The following TTC39C variants were observed in gnomAD, a reference collection of about 807,000 sequenced individuals.
TTC39C encodes tetratricopeptide repeat domain 39C, also known as tetratricopeptide repeat protein 39C.
In TTC39C, 33 loss-of-function variants were observed where a neutral mutation model predicts 76.3. The ratio of observed to expected loss-of-function variants is 0.43; its 90% CI spans 0.33 to 0.58. The LOEUF (loss-of-function observed/expected upper bound fraction) is 0.58. Ranked by LOEUF, TTC39C falls within the 20% of genes least tolerant of loss-of-function variation. TTC39C has a pLI of 0.04. For missense variants in TTC39C, 595 were observed against 701.4 expected, an observed-to-expected ratio of 0.85 and a Z score of 1.71; for synonymous variants, 254 against 260.6, an observed-to-expected ratio of 0.97 and a Z score of 0.24.
At chr18:24,029,381 C>T (rs2083641027) in intron 1 of TTC39C, among the ~76,000 whole-genome samples, 3 of 152,142 alleles carry the variant, frequency 2.0e-5, no homozygotes, top group Non-Finnish European at 4.4e-5. Flanking sequence ...GGATTACAGG[C>T]GTGAGCCACC....
intron 1 of TTC39C, among the ~76,000 whole-genome samples, chr18:23,999,075 T>C (rs1209225218): frequency 1.3e-5 from 2 of 152,198 alleles, no homozygotes; most frequent in Non-Finnish European, 2.9e-5. Context: ...CCCAGCTTCA[T>C]TGTTCACAGT....
In TTC39C at chr18:24,134,281, T is replaced by G. The variant is rs1356128640; in HGVS notation, c.*1707T>G. 1.5e-5 allele frequency: 2 copies of G among 137,378 alleles called. No homozygotes were observed. The highest frequency in any genetic ancestry group is 5.5e-5 in the African/African-American group (2 of 36,466). 8.5% of individuals were successfully genotyped at this position (137,378 alleles called of 1,614,324 possible). A position where few individuals can be genotyped will look rare whatever the true frequency, so the allele number is the denominator to read the frequency against. ...TGTTTTTTGTTTTTTTTTTTTTTTT[T>G]TTTTTTTTTTGAGACGGAGTCTCGC... is the stretch of plus-strand genomic sequence containing the variant. On this transcript the variant is annotated 3_prime_UTR_variant, in exon 14 of 14. Coordinates refer to ENST00000317571, the MANE Select transcript of TTC39C (RefSeq NM_001135993.2).
At chr18:24,021,194 C>G (rs1354148106) in intron 1 of TTC39C, among the ~76,000 whole-genome samples, 1 of 152,170 alleles carries the variant, frequency 6.6e-6, no homozygotes, top group Non-Finnish European at 1.5e-5. Flanking sequence ...ATGAATTGAT[C>G]TACTTCAAAA....
In TTC39C at chr18:24,131,865, A is replaced by T. The variant is rs562280851; in HGVS notation, c.1624-17A>T. ...ATATAAACACAGATTTTATGGGATA[A>T]TGTGTTTTTCTTATAGACTGTAGGA... On this transcript the variant is annotated splice_polypyrimidine_tract_variant and intron_variant, in intron 12 of 13. Coordinates refer to ENST00000317571, the MANE Select transcript of TTC39C (RefSeq NM_001135993.2). 3 of 1,607,992 alleles carry T rather than the reference A, an allele frequency of 1.9e-6. No homozygotes were observed. In the East Asian group the frequency reaches 6.7e-5, roughly 36 times the overall value.
intron 1 of TTC39C, 146 bp from the exon 2 acceptor site, chr18:24,063,994 G>T: frequency 9.0e-7 from 1 of 1,111,222 alleles, no homozygotes; most frequent in Non-Finnish European, 1.2e-6. Flanking sequence ...TCTTTATTAG[G>T]GTAATTTAAT....
At chr18:24,055,687 G>C (rs553516873) in intron 1 of TTC39C, among the ~76,000 whole-genome samples, 24 of 151,778 alleles carry the variant, frequency 1.6e-4, no homozygotes, top group Admixed American at 1.4e-3. Context: ...CCATAGGTTG[G>C]TTGCCTTTTC....
chr18:24,012,648 C>T (rs1442953498), upstream of TTC39C, among the ~76,000 whole-genome samples: 2 of 152,158 alleles, frequency 1.3e-5, no homozygotes, highest in Non-Finnish European at 2.9e-5. Context: ...CTCTTGGCTT[C>T]TCTCCCTTAT....
chr18:23,997,513 C>A (rs989363349), intron 1 of TTC39C, among the ~76,000 whole-genome samples: 1 of 113,226 alleles, frequency 8.8e-6, no homozygotes, highest in Non-Finnish European at 1.6e-5. Context: ...GATTGCCCAA[C>A]TGTACTCCAG....
rs1489404287 is a variant in TTC39C at position 24,066,123 on chromosome 18, A to T, written c.328A>T (p.Asn110Tyr). The T allele has an allele frequency of 6.3e-7, 1 of 1,597,332 alleles. No homozygotes were observed. Among genetic ancestry groups the T allele is most frequent in the Non-Finnish European group, 8.5e-7 (1 of 1,176,102 alleles). ...EEAGVIETIK[N>Y]KIKKNVDVRK... The stretch of plus-strand genomic sequence containing the variant: ...GGCTGGAGTAATTGAAACAATCAAG[A>T]ATAAAATTAAGAAGAACGTAAGTAT... Residue 110 changes from asparagine (N) to tyrosine (Y), a missense_variant, in exon 3 of 14, where the codon AAT (asparagine) becomes TAT (tyrosine). Coordinates refer to ENST00000317571, the MANE Select transcript of TTC39C (RefSeq NM_001135993.2).
chr18:24,070,960 G>A (rs954313814), intron 4 of TTC39C, among the ~76,000 whole-genome samples: 41 of 152,170 alleles, frequency 2.7e-4, no homozygotes, highest in African/African-American at 7.0e-4. Flanking sequence ...ATGGAGTCTC[G>A]CAGTGTTTCC....
intron 6 of TTC39C, among the ~76,000 whole-genome samples, chr18:24,094,703 T>G (rs1407443255): frequency 6.6e-6 from 1 of 152,274 alleles, no homozygotes; most frequent in African/African-American, 2.4e-5. Context: ...AAGGAATCTT[T>G]TTTATTCTGA....
intron 3 of TTC39C, among the ~76,000 whole-genome samples, chr18:24,067,874 G>A (rs914101917): frequency 1.3e-5 from 2 of 152,252 alleles, no homozygotes; most frequent in African/African-American, 2.4e-5. Context: ...CTGACTTGGC[G>A]TTTACGTTTC....
chr18:24,081,184 C>G (rs1352123717), intron 5 of TTC39C, among the ~76,000 whole-genome samples: 1 of 152,156 alleles, frequency 6.6e-6, no homozygotes, highest in African/African-American at 2.4e-5. Context: ...TTTAAAACCT[C>G]AAATGATTTT....
rs375658371 is a variant in TTC39C at position 24,135,300 on chromosome 18, C to CT, written c.*2737dup. The CT allele has an allele frequency of 2.1e-3, 313 of 147,124 alleles. No individual in the cohort carries two copies. The highest frequency in any genetic ancestry group is 6.9e-3 in the African/African-American group (279 of 40,168). 9.1% of individuals were successfully genotyped at this position (147,124 alleles called of 1,614,324 possible). ...CATGAACCACTGTGACCGGCCAGGTCTTTTTTTTTTTAAAGAGTCTATCCT... is the reference window on the plus strand; with the variant it reads ...CATGAACCACTGTGACCGGCCAGGTCTTTTTTTTTTTTAAAGAGTCTATCCT... On this transcript the variant is annotated 3_prime_UTR_variant, in exon 14 of 14. Transcript: ENST00000317571.
At chr18:23,999,231 T>C (rs954246608) in intron 1 of TTC39C, among the ~76,000 whole-genome samples, 3 of 152,112 alleles carry the variant, frequency 2.0e-5, no homozygotes, top group African/African-American at 7.2e-5. Context: ...CGGGTTTCCA[T>C]AGAAATCAGA....
At chr18:24,045,893 AT>A (rs1568417190) in intron 1 of TTC39C, among the ~76,000 whole-genome samples, 878 of 42,064 alleles carry the variant, frequency 0.021, 29 homozygotes, top group Admixed American at 0.078. Context: ...TTCTGTGAAA[AT>A]ATATATATAT....
At chr18:24,033,315 G>A (rs150250878) in intron 1 of TTC39C, among the ~76,000 whole-genome samples, 2 of 152,274 alleles carry the variant, frequency 1.3e-5, no homozygotes, top group African/African-American at 4.8e-5. Flanking sequence ...TGGTAGCCTT[G>A]TCTTCCATTG....
At chr18:24,098,161 T>G (rs140760705) in intron 6 of TTC39C, among the ~76,000 whole-genome samples, 2 of 152,284 alleles carry the variant, frequency 1.3e-5, no homozygotes. Flanking sequence ...ATTGATACTA[T>G]GTTTATAATA....
intron 6 of TTC39C, among the ~76,000 whole-genome samples, chr18:24,097,444 A>G (rs935609508): frequency 6.6e-6 from 1 of 152,160 alleles, no homozygotes; most frequent in Admixed American, 6.5e-5. Flanking sequence ...TACAATTTCC[A>G]TTGAAAGCTG....
Sources: gnomAD v4.1 joint callset for allele counts (sites outside exome capture counted in the v4.1 genomes callset) on GRCh38, gnomAD v4.1.1 for gene constraint, MANE v1.5 for transcripts, NCBI Gene and HGNC (gene_info 2026-07-23, HGNC 2026-07-21) for gene names.